HMCN1: variants seen among roughly 807,000 people sequenced by gnomAD.
HMCN1 encodes the protein hemicentin-1.
A neutral mutation model predicts 625.9 loss-of-function variants in HMCN1; 321 were observed. The ratio of observed to expected loss-of-function variants is 0.51; its 90% CI spans 0.47 to 0.56. The LOEUF (loss-of-function observed/expected upper bound fraction) is 0.56, where lower values mean the gene tolerates loss of function less well. HMCN1 is among the 20% of genes least tolerant of loss of function. HMCN1 has a pLI of 0.00. For synonymous variants in HMCN1, 2,425 were observed against 2,417.6 expected (o/e 1.00, Z -0.09); for missense variants, 6,588 against 6,887.3 (o/e 0.96, Z 1.54).
chr1:185,841,746 G>A (rs1050299323), intron 1 of HMCN1, among the ~76,000 whole-genome samples: 6 of 152,304 alleles, frequency 3.9e-5, no homozygotes, highest in African/African-American at 1.2e-4. Flanking sequence ...AGCCCTTAAA[G>A]AGGCTGGGCC....
intron 1 of HMCN1, among the ~76,000 whole-genome samples, chr1:185,794,601 A>ATTTTTTT (rs34098989): frequency 9.0e-6 from 1 of 111,192 alleles, no homozygotes; most frequent in African/African-American, 3.7e-5. Context: ...GTCTTTACAC[A>ATTTTTTT]TTTTTTTTTT....
At chr1:186,156,443 A>G (rs1420774322) in intron 97 of HMCN1, among the ~76,000 whole-genome samples, 1 of 152,234 alleles carries the variant, frequency 6.6e-6, no homozygotes, top group Non-Finnish European at 1.5e-5. Flanking sequence ...TACCCTCATT[A>G]GTAAGCAAGG....
intron 40 of HMCN1, among the ~76,000 whole-genome samples, chr1:186,043,583 T>A (rs1409501856): frequency 6.6e-6 from 1 of 152,208 alleles, no homozygotes; most frequent in Non-Finnish European, 1.5e-5. Flanking sequence ...TCTGCAGTCA[T>A]AATGAACTCA....
chr1:185,780,849 G>T (rs973714568), intron 1 of HMCN1, among the ~76,000 whole-genome samples: 17 of 152,170 alleles, frequency 1.1e-4, no homozygotes, highest in African/African-American at 4.1e-4. Context: ...GTATCAGGAT[G>T]ATGCTGGCCT....
chr1:186,177,265 C>T (rs1314516075), intron 103 of HMCN1: 1 of 150,806 alleles, frequency 6.6e-6, no homozygotes, highest in Non-Finnish European at 1.5e-5. Flanking sequence ...GAGATCATGC[C>T]ACTGCACTCC....
At chr1:186,178,275 TGAG>T (rs1652721751) in intron 103 of HMCN1, 138 bp from the exon 104 acceptor site, 5 of 676,722 alleles carry the variant, frequency 7.4e-6, no homozygotes, top group Admixed American at 4.8e-5. Flanking sequence ...TCACAACAGT[TGAG>T]GAGAAATTAC....
Position 186,117,578 on chromosome 1 carries a change from A to T in HMCN1, c.11803A>T (p.Ile3935Leu). ...FPSIHWTKNGIRLLPRGDGYR... is the reference protein window; with the variant it reads ...FPSIHWTKNGLRLLPRGDGYR... The stretch of plus-strand genomic sequence containing the variant: ...CTCAATTCACTGGACCAAAAATGGT[A>T]TAAGACTGCTTCCCAGGGGAGATGG... Residue 3935 changes from isoleucine (I) to leucine (L), a missense_variant, in exon 77 of 107, where the codon ATA (isoleucine) becomes TTA (leucine). By Grantham distance (5) the Ile-to-Leu change is conservative. Coordinates refer to ENST00000271588, the MANE Select transcript of HMCN1 (RefSeq NM_031935.3). 3.1e-6 allele frequency: 5 copies of T among 1,613,960 alleles called. No homozygotes were observed. Among genetic ancestry groups the T allele is most frequent in the Non-Finnish European group, 4.2e-6 (5 of 1,179,860 alleles).
chr1:186,175,874 C>T, intron 103 of HMCN1, among the ~76,000 whole-genome samples: 2 of 60,982 alleles, frequency 3.3e-5, no homozygotes, highest in South Asian at 8.9e-4. Context: ...GAAACTATGT[C>T]TCAAAAAAAA....
intron 1 of HMCN1, among the ~76,000 whole-genome samples, chr1:185,832,676 C>T (rs1479517548): frequency 6.6e-6 from 1 of 152,094 alleles, no homozygotes; most frequent in Non-Finnish European, 1.5e-5. Flanking sequence ...TTGAAGACAT[C>T]ATGAGAGAAT....
intron 97 of HMCN1, among the ~76,000 whole-genome samples, chr1:186,154,889 G>A (rs941512632): frequency 6.6e-6 from 1 of 152,130 alleles, no homozygotes; most frequent in Admixed American, 6.5e-5. Flanking sequence ...TCAGTCATAA[G>A]AGCCACCACG....
intron 97 of HMCN1, among the ~76,000 whole-genome samples, chr1:186,161,580 A>G (rs1402997536): frequency 1.3e-5 from 2 of 151,956 alleles, no homozygotes; most frequent in Non-Finnish European, 1.5e-5. Context: ...TTCCATGTTT[A>G]GTGCTTCCTT....
At chr1:185,884,116 T>A (rs141894957) in intron 4 of HMCN1, among the ~76,000 whole-genome samples, 1 of 151,914 alleles carries the variant, frequency 6.6e-6, no homozygotes, top group East Asian at 1.9e-4. Context: ...AATTTAGTTC[T>A]ACTTATAAGA....
rs1667661443 is a variant in HMCN1 at position 185,933,580 on chromosome 1, T to C, written c.1584T>C (p.Asn528=). The C allele has an allele frequency of 6.2e-7, 1 of 1,613,850 alleles. No individual in the cohort carries two copies. Among genetic ancestry groups the C allele is most frequent in the South Asian group, 1.1e-5 (1 of 91,088 alleles). The stretch of plus-strand genomic sequence containing the variant: ...CTCCGGTCATCCAAGTGCCTAACAA[T>C]GTTACAGTCACTCCTGGAGAGAGAG... ...EPPPVIQVPN[N]VTVTPGERAV... The change falls in exon 11 of 107, where the codon AAT becomes AAC. Residue 528 remains asparagine, a synonymous_variant. Transcript: ENST00000271588.
intron 4 of HMCN1, among the ~76,000 whole-genome samples, chr1:185,894,528 G>T (rs1381618864): frequency 1.3e-5 from 2 of 152,122 alleles, no homozygotes; most frequent in East Asian, 3.9e-4. Flanking sequence ...GGGAAAGATG[G>T]ATCACTGGGC....
Position 185,977,883 on chromosome 1 carries a change from C to T in HMCN1, c.2468C>T (p.Thr823Ile), listed in dbSNP as rs146281631. The change falls in exon 16 of 107, where the codon ACA (threonine) becomes ATA (isoleucine). Residue 823 changes from threonine (T) to isoleucine (I), a missense_variant. This residue lies in a region of HMCN1 where 4,628 missense variants were observed against 4,853.1 expected (regional missense o/e 0.95). Transcript: ENST00000271588. Reference protein sequence around the residue: ...PCYVQGYPEPTIKWRRLDNMP... With the variant: ...PCYVQGYPEPIIKWRRLDNMP... The stretch of plus-strand genomic sequence containing the variant: ...TATGTTCAGGGTTATCCAGAACCAA[C>T]AATCAAATGGCGAAGATTAGACAAC... 2 of 1,612,916 alleles carry T rather than the reference C, an allele frequency of 1.2e-6. No individual in the cohort carries two copies. Among genetic ancestry groups the T allele is most frequent in the African/African-American group, 2.7e-5 (2 of 74,856 alleles).
intron 48 of HMCN1, 78 bp from the exon 49 acceptor site, chr1:186,065,160 G>C: frequency 8.5e-7 from 1 of 1,178,922 alleles, no homozygotes; most frequent in Middle Eastern, 2.8e-4. Context: ...AGACAAATGA[G>C]TGAAAACCTC....
intron 1 of HMCN1, among the ~76,000 whole-genome samples, chr1:185,793,585 C>T (rs919292530): frequency 7.2e-5 from 11 of 152,086 alleles, no homozygotes; most frequent in African/African-American, 2.7e-4. Flanking sequence ...CTTTGGGAGG[C>T]CATTATTCTG....
At chr1:186,157,385 T>C (rs1651093517) in intron 97 of HMCN1, among the ~76,000 whole-genome samples, 1 of 152,220 alleles carries the variant, frequency 6.6e-6, no homozygotes, top group African/African-American at 2.4e-5. Context: ...TAACTCATAA[T>C]AACATTACAC....
intron 68 of HMCN1, among the ~76,000 whole-genome samples, chr1:186,099,073 A>C (rs559602671): frequency 6.6e-6 from 1 of 152,166 alleles, no homozygotes; most frequent in East Asian, 1.9e-4. Context: ...AGGAAGAATG[A>C]GTTCTGGTGT....
Sources: allele counts gnomAD v4.1 joint callset (sites outside exome capture counted in the v4.1 genomes callset), GRCh38; gene constraint gnomAD v4.1.1; regional missense constraint gnomAD v4.1.1; transcripts MANE v1.5; gene names NCBI Gene and HGNC (gene_info 2026-07-23, HGNC 2026-07-21).